ZCWPW2: variants seen among roughly 807,000 people sequenced by gnomAD.
ZCWPW2 encodes the protein zinc finger CW-type PWWP domain protein 2.
Under a neutral mutation model 46.6 loss-of-function variants are expected in ZCWPW2, and 45 were observed. The ratio of observed to expected loss-of-function variants is 0.96; its 90% confidence interval spans 0.76 to 1.24. ZCWPW2 has a LOEUF of 1.24. Among genes scored for constraint, ZCWPW2 ranks in the 50% most tolerant of loss-of-function variants. The probability of loss-of-function intolerance (pLI) is 0.00; values close to 1 mark genes in which losing one functional copy is unlikely to be tolerated. For missense variants in ZCWPW2, 429 were observed against 403.9 expected (o/e 1.06, Z -0.53); for synonymous variants, 152 against 137.1 (o/e 1.11, Z -0.76).
chr3:28,413,714 TC>T (rs1696506038), intron 3 of ZCWPW2, among the ~76,000 whole-genome samples: 1 of 152,080 alleles, frequency 6.6e-6, no homozygotes. Flanking sequence ...TTACTGATTT[TC>T]TTTGTGATTT....
intron 7 of ZCWPW2, 90 bp downstream of exon 7, chr3:28,514,212 A>C (rs1397300384): frequency 1.2e-6 from 1 of 857,056 alleles, no homozygotes; most frequent in African/African-American, 1.8e-5. Context: ...AACCCTAAAC[A>C]ACATCTTTAC....
chr3:28,393,799 A>G (rs1411011397), intron 2 of ZCWPW2, among the ~76,000 whole-genome samples: 1 of 152,124 alleles, frequency 6.6e-6, no homozygotes, highest in Non-Finnish European at 1.5e-5. Flanking sequence ...AACATCACAA[A>G]GGCTGTGTAT....
intron 1 of ZCWPW2, among the ~76,000 whole-genome samples, chr3:28,372,321 G>C (rs1480168630): frequency 1.3e-5 from 2 of 151,950 alleles, no homozygotes; most frequent in Non-Finnish European, 2.9e-5. Context: ...GTGATATAAA[G>C]ACATGGAAGT....
chr3:28,524,854 CCAGTCAAATGGTA>C lies in ZCWPW2; in HGVS notation c.*167_*179del. 1 of 497,150 alleles carries C rather than the reference CCAGTCAAATGGTA, an allele frequency of 2.0e-6. No homozygotes were observed. Among genetic ancestry groups the C allele is most frequent in the Non-Finnish European group, 3.1e-6 (1 of 324,054 alleles). The allele number at this position is 497,150 out of a possible 1,614,324, so 30.8% of individuals were successfully genotyped here. A position where few individuals can be genotyped will look rare whatever the true frequency, so the allele number is the denominator to read the frequency against. On this transcript the variant is annotated 3_prime_UTR_variant, in exon 10 of 10. Transcript: ENST00000383768. ...TTGAGAATGGCCATGATTTTTAGAG[CCAGTCAAATGGTA>C]TTTAAGTTAGTGTTAAAAATTTAGA...
chr3:28,404,904 C>G (rs1696098450), intron 2 of ZCWPW2, among the ~76,000 whole-genome samples: 1 of 152,082 alleles, frequency 6.6e-6, no homozygotes, highest in South Asian at 2.1e-4. Flanking sequence ...GGGTGAGGGA[C>G]AAAAGACTAC....
At chr3:28,521,211 A>T in intron 9 of ZCWPW2, 95 bp downstream of exon 9, 3 of 1,356,234 alleles carry the variant, frequency 2.2e-6, no homozygotes, top group Non-Finnish European at 2.9e-6. Flanking sequence ...TATATAAAAA[A>T]CTCTTTTCAT....
At chr3:28,523,218 C>G (rs1004434937) in intron 9 of ZCWPW2, among the ~76,000 whole-genome samples, 2 of 152,066 alleles carry the variant, frequency 1.3e-5, no homozygotes, top group African/African-American at 4.8e-5. Context: ...AGGTGAGTGC[C>G]TCCTGGTTAC....
chr3:28,422,344 T>C (rs1039423624), intron 3 of ZCWPW2, among the ~76,000 whole-genome samples: 1 of 152,186 alleles, frequency 6.6e-6, no homozygotes, highest in African/African-American at 2.4e-5. Flanking sequence ...ATAGTTATAT[T>C]GGCCTAAAAA....
chr3:28,398,460 C>T (rs994259858), intron 2 of ZCWPW2, among the ~76,000 whole-genome samples: 6 of 152,072 alleles, frequency 3.9e-5, no homozygotes, highest in African/African-American at 9.7e-5. Context: ...AGCTTCAACT[C>T]GGATGGATAG....
chr3:28,499,866 T>C (rs1283311867), intron 6 of ZCWPW2, among the ~76,000 whole-genome samples: 1 of 152,152 alleles, frequency 6.6e-6, no homozygotes, highest in Non-Finnish European at 1.5e-5. Flanking sequence ...AATTTGTTGA[T>C]ATGTTACAAA....
Position 28,390,617 on chromosome 3 carries a change from C to T in ZCWPW2, c.-14C>T, listed in dbSNP as rs1302427389. The T allele has an allele frequency of 1.3e-5, 13 of 985,144 alleles. No homozygotes were observed. The highest frequency in any genetic ancestry group is 3.5e-5 in the African/African-American group (2 of 57,204). 61.0% of individuals were successfully genotyped at this position (985,144 alleles called of 1,614,324 possible). A position where few individuals can be genotyped will look rare whatever the true frequency, so the allele number is the denominator to read the frequency against. On this transcript the variant is annotated splice_region_variant and 5_prime_UTR_variant, in exon 2 of 10. Coordinates refer to ENST00000383768, the MANE Select transcript of ZCWPW2 (RefSeq NM_001040432.4). ...TAGGAACAAAAGAAAAGTCTAACTC[C>T]GTAAGTACTTGAGAAACTCCAAAAT...
intron 4 of ZCWPW2, among the ~76,000 whole-genome samples, chr3:28,454,877 A>G (rs756635399): frequency 3.3e-5 from 5 of 152,142 alleles, no homozygotes; most frequent in African/African-American, 7.2e-5. Flanking sequence ...TCTTTATCCA[A>G]TCTATCATTG....
At chr3:28,400,614 G>C (rs1695883127) in intron 2 of ZCWPW2, among the ~76,000 whole-genome samples, 2 of 152,296 alleles carry the variant, frequency 1.3e-5, no homozygotes, top group South Asian at 4.1e-4. Context: ...CTACAAGCTA[G>C]AAGGGACTGG....
chr3:28,439,016 A>AATAGTATATATATATATATATAT (rs1297991239), intron 4 of ZCWPW2, among the ~76,000 whole-genome samples: 16 of 110,688 alleles, frequency 1.4e-4, no homozygotes, highest in African/African-American at 5.6e-4. Context: ...GGACAGAACT[A>AATAGTATATATATATATATATAT]ATAGTATATA....
At chr3:28,496,404 G>A (rs1252663959) in intron 6 of ZCWPW2, among the ~76,000 whole-genome samples, 1 of 151,952 alleles carries the variant, frequency 6.6e-6, no homozygotes, top group East Asian at 1.9e-4. Context: ...CAGACCCCGA[G>A]GGGAAAACAA....
intron 4 of ZCWPW2, chr3:28,478,322 C>A: frequency 3.1e-6 from 1 of 325,448 alleles, no homozygotes; most frequent in South Asian, 2.4e-5. Flanking sequence ...CGCATCACTG[C>A]AGCATCTGCC....
At chr3:28,462,305 C>G (rs1264115399) in intron 4 of ZCWPW2, among the ~76,000 whole-genome samples, 1 of 152,216 alleles carries the variant, frequency 6.6e-6, no homozygotes, top group Non-Finnish European at 1.5e-5. Context: ...TGAACCCATG[C>G]TATCAAGGCT....
intron 1 of ZCWPW2, among the ~76,000 whole-genome samples, chr3:28,357,108 G>C (rs1704766762): frequency 6.6e-6 from 1 of 152,048 alleles, no homozygotes; most frequent in Non-Finnish European, 1.5e-5. Flanking sequence ...CTTAAAATGG[G>C]AAGAGAAGAA....
intron 4 of ZCWPW2, among the ~76,000 whole-genome samples, chr3:28,440,722 C>T (rs1022790686): frequency 1.2e-4 from 18 of 152,106 alleles, no homozygotes; most frequent in East Asian, 7.7e-4. Flanking sequence ...GTGCCTTGGT[C>T]GGAGGCAATG....
Sources: allele counts gnomAD v4.1 joint callset (sites outside exome capture counted in the v4.1 genomes callset), GRCh38; gene constraint gnomAD v4.1.1; transcripts MANE v1.5; gene names NCBI Gene and HGNC (gene_info 2026-07-23, HGNC 2026-07-21).